Variants in RALYL observed in about 807,000 individuals in gnomAD.
The protein encoded by RALYL is RNA-binding Raly-like protein.
RALYL carries 29 observed loss-of-function variants against 35.1 expected under a neutral mutation model. That is an observed-to-expected ratio of 0.83 (90% confidence interval 0.61 to 1.13). RALYL has a LOEUF of 1.13. Ranked by LOEUF, RALYL falls within the 50% of genes most tolerant of loss-of-function variation. The pLI, the probability that RALYL is intolerant of heterozygous loss-of-function variation, is 0.00. For missense variants in RALYL, 359 were observed against 360.4 expected (o/e 1.00, Z 0.03); for synonymous variants, 120 against 127.6 (o/e 0.94, Z 0.40).
chr8:84,765,715 C>G (rs1400956474), intron 2 of RALYL, among the ~76,000 whole-genome samples: 1 of 151,564 alleles, frequency 6.6e-6, no homozygotes, highest in African/African-American at 2.4e-5. Flanking sequence ...AATTTTTATT[C>G]AATGGAACAG....
intron 2 of RALYL, among the ~76,000 whole-genome samples, chr8:84,594,162 T>A (rs1813938159): frequency 6.6e-6 from 1 of 152,066 alleles, no homozygotes; most frequent in African/African-American, 2.4e-5. Context: ...CCACTTTAAG[T>A]ATTATCTGTC....
chr8:84,404,705 GTC>G (rs1262244791), intron 1 of RALYL, among the ~76,000 whole-genome samples: 4 of 152,124 alleles, frequency 2.6e-5, no homozygotes, highest in Admixed American at 6.5e-5. Flanking sequence ...TTAGGGAGGA[GTC>G]TCTCTTTTTC....
At chr8:84,245,876 C>T (rs371774513) in intron 1 of RALYL, among the ~76,000 whole-genome samples, 227 of 152,110 alleles carry the variant, frequency 1.5e-3, no homozygotes, top group African/African-American at 5.3e-3. Flanking sequence ...AAGAACCTTT[C>T]AATAATTAAA....
chr8:84,348,057 A>T (rs1443625797), intron 1 of RALYL, among the ~76,000 whole-genome samples: 1 of 152,056 alleles, frequency 6.6e-6, no homozygotes, highest in East Asian at 1.9e-4. Flanking sequence ...ACCTAACCTG[A>T]TCAGTTGGCA....
intron 2 of RALYL, among the ~76,000 whole-genome samples, chr8:84,749,647 A>C (rs1809483731): frequency 6.6e-6 from 1 of 152,210 alleles, no homozygotes; most frequent in Non-Finnish European, 1.5e-5. Flanking sequence ...AAGAGAAAGA[A>C]TGTAGCATTG....
intron 2 of RALYL, among the ~76,000 whole-genome samples, chr8:84,536,515 T>C (rs925978736): frequency 2.0e-5 from 3 of 152,186 alleles, no homozygotes; most frequent in Admixed American, 6.5e-5. Flanking sequence ...CAAGGACAGA[T>C]TGACAGACAG....
intron 1 of RALYL, among the ~76,000 whole-genome samples, chr8:84,366,250 G>A (rs540045638): frequency 7.9e-5 from 12 of 152,130 alleles, no homozygotes; most frequent in South Asian, 4.1e-4. Flanking sequence ...GAGCACTAAC[G>A]CCATTAAAAC....
At chr8:84,535,786 C>G (rs2059570012) in intron 2 of RALYL, among the ~76,000 whole-genome samples, 1 of 151,776 alleles carries the variant, frequency 6.6e-6, no homozygotes, top group African/African-American at 2.4e-5. Flanking sequence ...TCCCTGACTT[C>G]TACCTGCAAG....
chr8:84,787,640 A>C (rs1819853018), intron 3 of RALYL, among the ~76,000 whole-genome samples: 1 of 152,162 alleles, frequency 6.6e-6, no homozygotes, highest in African/African-American at 2.4e-5. Flanking sequence ...TCCCACCAAC[A>C]GTGTAAAAGT....
intron 4 of RALYL, among the ~76,000 whole-genome samples, chr8:84,823,337 C>T (rs1259476652): frequency 6.6e-6 from 1 of 152,062 alleles, no homozygotes; most frequent in Admixed American, 6.6e-5. Flanking sequence ...CTTGGGAATT[C>T]TAATCTGCTG....
chr8:84,407,636 G>A (rs1413077510), intron 1 of RALYL, among the ~76,000 whole-genome samples: 1 of 152,004 alleles, frequency 6.6e-6, no homozygotes, highest in Non-Finnish European at 1.5e-5. Context: ...ATATTCTGTT[G>A]TTAGATAGAT....
intron 1 of RALYL, among the ~76,000 whole-genome samples, chr8:84,509,399 C>T (rs911523084): frequency 2.6e-5 from 4 of 152,144 alleles, no homozygotes; most frequent in African/African-American, 9.7e-5. Flanking sequence ...AATTGTACTG[C>T]TGTATGAGGC....
chr8:84,558,022 T>C (rs976892032), intron 2 of RALYL, among the ~76,000 whole-genome samples: 7 of 152,176 alleles, frequency 4.6e-5, no homozygotes, highest in African/African-American at 1.7e-4. Flanking sequence ...TGTTGCTGAT[T>C]TGAATTTATG....
intron 2 of RALYL, among the ~76,000 whole-genome samples, chr8:84,601,683 T>C (rs1815996227): frequency 6.6e-6 from 1 of 151,772 alleles, no homozygotes; most frequent in African/African-American, 2.4e-5. Context: ...GAACATAGCA[T>C]AGCCAGCAGC....
At chr8:84,584,700 T>G (rs1369434047) in intron 2 of RALYL, among the ~76,000 whole-genome samples, 1 of 152,248 alleles carries the variant, frequency 6.6e-6, no homozygotes, top group Non-Finnish European at 1.5e-5. Context: ...TTTTTACGTT[T>G]CTTTTTCCAT....
At chr8:84,888,381 C>T (rs552660773) in intron 8 of RALYL, among the ~76,000 whole-genome samples, 53 of 152,262 alleles carry the variant, frequency 3.5e-4, no homozygotes, top group African/African-American at 1.3e-3. Context: ...ATGTCCTTTC[C>T]TGCATAACCA....
At chr8:84,913,491 C>T (rs150378049) in intron 8 of RALYL, among the ~76,000 whole-genome samples, 3,363 of 151,826 alleles carry the variant, frequency 0.022, 125 homozygotes, top group African/African-American at 0.076. Flanking sequence ...ATATAACTGA[C>T]GATTTTTCTA....
At chr8:84,836,614 A>G (rs1029735064) in intron 4 of RALYL, among the ~76,000 whole-genome samples, 1 of 152,224 alleles carries the variant, frequency 6.6e-6, no homozygotes, top group African/African-American at 2.4e-5. Flanking sequence ...TGTATTCCCT[A>G]AAGTGAAATG....
chr8:84,634,698 A>G (rs773732013), intron 2 of RALYL, among the ~76,000 whole-genome samples: 3 of 151,818 alleles, frequency 2.0e-5, no homozygotes, highest in Non-Finnish European at 4.4e-5. Flanking sequence ...AAAAATTGAT[A>G]AAAGACTGAG....
Sources: gnomAD v4.1 joint callset for allele counts (sites outside exome capture counted in the v4.1 genomes callset) on GRCh38, gnomAD v4.1.1 for gene constraint, MANE v1.5 for transcripts, NCBI Gene and HGNC (gene_info 2026-07-23, HGNC 2026-07-21) for gene names.